Variants in NELL1 observed in about 807,000 individuals in gnomAD.
The protein encoded by NELL1 is neural EGFL like 1.
NELL1 carries 76 observed loss-of-function variants against 107.4 expected under a neutral mutation model. The observed-to-expected ratio is 0.71, with a 90% CI of 0.59 to 0.86. The LOEUF is 0.86. Ranked by LOEUF, NELL1 falls within the 40% of genes least tolerant of loss-of-function variation. The pLI, the probability that NELL1 is intolerant of heterozygous loss-of-function variation, is 0.00. For missense variants in NELL1, 1,024 were observed against 1,005.5 expected, an observed-to-expected ratio of 1.02 and a Z score of -0.25; for synonymous variants, 353 against 341.2, an observed-to-expected ratio of 1.03 and a Z score of -0.38.
rs5790163 is a variant in NELL1, at chr11:21,119,386, G to GAAA, written c.1426+5685_1426+5687dup. Among the ~76,000 whole-genome samples the GAAA allele has an allele frequency of 1.1e-4, 14 of 129,178 alleles. No individual in the cohort carries two copies. The East Asian group carries it at 1.3e-3, about 12-fold the overall frequency. The allele number at this position is 129,178 out of a possible 152,430, so 84.7% of individuals were successfully genotyped here. A position where few individuals can be genotyped will look rare whatever the true frequency, so the allele number is the denominator to read the frequency against. On this transcript the variant is annotated intron_variant, in intron 13 of 19. Coordinates refer to ENST00000357134, the MANE Select transcript of NELL1 (RefSeq NM_006157.5). ...CCCAACATTTTTCTTGCTAAAAATT[G>GAAA]AAAAAAAAAAAAAAAGGATTATATA...
rs748486266 is a variant in NELL1 at position 20,919,369 on chromosome 11, T to C, written c.759+35T>C. Reference sequence around the variant, plus strand: ...TAAATTTCATTTGTGATGTTTCATTTCTTTTTCTGTCCTATCTGGAATTTG... The same window carrying C: ...TAAATTTCATTTGTGATGTTTCATTCCTTTTTCTGTCCTATCTGGAATTTG... On this transcript the variant is annotated intron_variant, in intron 7 of 19. Transcript: ENST00000357134. The C allele has an allele frequency of 4.6e-6, 6 of 1,290,380 alleles. No homozygotes were observed. In the South Asian group the frequency reaches 7.5e-5, roughly 16 times the overall value. 79.9% of individuals were successfully genotyped at this position (1,290,380 alleles called of 1,614,324 possible).
At chr11:21,436,667 T>C (rs1486373955) in intron 15 of NELL1, among the ~76,000 whole-genome samples, 3 of 152,264 alleles carry the variant, frequency 2.0e-5, no homozygotes, top group East Asian at 3.9e-4. Context: ...ATTTTTCCTC[T>C]ACCTATTTTG....
At chr11:20,890,269 C>A (rs1231338714) in intron 5 of NELL1, among the ~76,000 whole-genome samples, 2 of 152,010 alleles carry the variant, frequency 1.3e-5, no homozygotes, top group African/African-American at 4.8e-5. Context: ...AGAAGAGAGA[C>A]CTGACTATTG....
chr11:21,459,472 A>C (rs1853843828), intron 15 of NELL1, among the ~76,000 whole-genome samples: 1 of 151,884 alleles, frequency 6.6e-6, no homozygotes, highest in Admixed American at 6.6e-5. Flanking sequence ...AGGTGAAGTA[A>C]AGGATAAAAA....
At chr11:20,962,792 C>T (rs1590468476) in intron 12 of NELL1, among the ~76,000 whole-genome samples, 1 of 152,096 alleles carries the variant, frequency 6.6e-6, no homozygotes, top group Non-Finnish European at 1.5e-5. Context: ...GGTGCTATTG[C>T]GGTTGGGTAA....
chr11:21,206,088 G>A (rs1273399935), intron 13 of NELL1, among the ~76,000 whole-genome samples: 1 of 152,044 alleles, frequency 6.6e-6, no homozygotes, highest in African/African-American at 2.4e-5. Context: ...ATAACAAATT[G>A]TCATACACTC....
chr11:21,449,954 T>A (rs1479737680), intron 15 of NELL1, among the ~76,000 whole-genome samples: 1 of 152,226 alleles, frequency 6.6e-6, no homozygotes, highest in Non-Finnish European at 1.5e-5. Context: ...CACAGTAGGT[T>A]GATAACCTTG....
chr11:20,719,705 G>A (rs1271159550), intron 2 of NELL1, among the ~76,000 whole-genome samples: 1 of 152,092 alleles, frequency 6.6e-6, no homozygotes, highest in Non-Finnish European at 1.5e-5. Context: ...GGAAGCATGA[G>A]GATTATTTTA....
chr11:21,436,960 TG>T (rs1342880465), intron 15 of NELL1, among the ~76,000 whole-genome samples: 2 of 152,092 alleles, frequency 1.3e-5, no homozygotes, highest in African/African-American at 4.8e-5. Context: ...TTTTATTCCA[TG>T]ATGATCTGAG....
At chr11:21,056,691 T>C (rs748601953) in intron 12 of NELL1, among the ~76,000 whole-genome samples, 14 of 152,176 alleles carry the variant, frequency 9.2e-5, no homozygotes, top group Non-Finnish European at 1.9e-4. Context: ...ACATTACATT[T>C]CATTTTTTAT....
intron 13 of NELL1, among the ~76,000 whole-genome samples, chr11:21,165,475 C>CTCTGTTCAT: frequency 6.6e-6 from 1 of 152,246 alleles, no homozygotes; most frequent in East Asian, 1.9e-4. Flanking sequence ...TAAATGAACT[C>CTCTGTTCAT]TTGACTTGCC....
intron 12 of NELL1, among the ~76,000 whole-genome samples, chr11:20,991,482 C>A (rs1037831231): frequency 6.6e-6 from 1 of 152,112 alleles, no homozygotes; most frequent in South Asian, 2.1e-4. Flanking sequence ...AAATGGAGGC[C>A]CTGCCATAGG....
chr11:20,672,102 C>T (rs1376800546), intron 1 of NELL1, among the ~76,000 whole-genome samples: 2 of 152,266 alleles, frequency 1.3e-5, no homozygotes, highest in Non-Finnish European at 2.9e-5. Flanking sequence ...ATCAGAGAGA[C>T]GGGGGAATTA....
At chr11:20,985,990 G>A (rs61880764) in intron 12 of NELL1, among the ~76,000 whole-genome samples, 6,913 of 152,204 alleles carry the variant, frequency 0.045, 178 homozygotes, top group East Asian at 0.079. Context: ...TTCTGTCTTC[G>A]CAATGAAGAA....
intron 13 of NELL1, among the ~76,000 whole-genome samples, chr11:21,203,437 T>A (rs1857316422): frequency 6.6e-6 from 1 of 151,184 alleles, no homozygotes; most frequent in Admixed American, 6.6e-5. Context: ...TTGCTTTTTT[T>A]TTTTTTTTTT....
At chr11:20,956,025 C>T (rs1390534496) in intron 11 of NELL1, among the ~76,000 whole-genome samples, 2 of 151,902 alleles carry the variant, frequency 1.3e-5, no homozygotes, top group East Asian at 3.9e-4. Context: ...TAGAGACCAG[C>T]CTGGCCAACA....
chr11:20,968,347 T>TAAAG (rs1554951739), intron 12 of NELL1, among the ~76,000 whole-genome samples: 7 of 135,354 alleles, frequency 5.2e-5, no homozygotes, highest in Admixed American at 2.2e-4. Context: ...AACATTTGCT[T>TAAAG]AAAGAAAGAA....
chr11:21,383,845 C>T (rs1026363184), intron 15 of NELL1: 2 of 151,698 alleles, frequency 1.3e-5, no homozygotes, highest in African/African-American at 4.8e-5. Flanking sequence ...ACCAACCAGG[C>T]CCGACCCTTT....
At chr11:21,168,775 A>G (rs1255041036) in intron 13 of NELL1, among the ~76,000 whole-genome samples, 1 of 151,866 alleles carries the variant, frequency 6.6e-6, no homozygotes, top group Non-Finnish European at 1.5e-5. Flanking sequence ...CTGCATGGCC[A>G]TCAACTTGTA....
Sources: allele counts gnomAD v4.1 joint callset (sites outside exome capture counted in the v4.1 genomes callset), GRCh38; gene constraint gnomAD v4.1.1; transcripts MANE v1.5; gene names NCBI Gene and HGNC (gene_info 2026-07-23, HGNC 2026-07-21).